Variants in B3GALT1 observed in about 807,000 individuals in gnomAD.
B3GALT1 encodes the protein beta-1,3-galactosyltransferase 1, also known as UDP-Gal:betaGlcNAc beta 1,3-galactosyltransferase, polypeptide 1.
In B3GALT1, 10 loss-of-function variants were observed where a neutral mutation model predicts 23.2. That is an observed-to-expected ratio of 0.43 (90% CI 0.27 to 0.73). The LOEUF (loss-of-function observed/expected upper bound fraction) is 0.73. Ranked by LOEUF, B3GALT1 falls within the 30% of genes least tolerant of loss-of-function variation. The probability of loss-of-function intolerance (pLI) is 0.21; values close to 1 mark genes in which losing one functional copy is unlikely to be tolerated. For synonymous variants in B3GALT1, 156 were observed against 141.5 expected (o/e 1.10, Z -0.73); for missense variants, 299 against 405.4 (o/e 0.74, Z 2.25).
intron 1 of B3GALT1, among the ~76,000 whole-genome samples, chr2:167,385,492 T>C (rs1365382272): frequency 6.6e-6 from 1 of 151,302 alleles, no homozygotes; most frequent in African/African-American, 2.5e-5. Flanking sequence ...ACATGCTCAG[T>C]AAATATTTGA....
At chr2:167,351,904 C>T (rs1280119817) in intron 1 of B3GALT1, among the ~76,000 whole-genome samples, 2 of 151,332 alleles carry the variant, frequency 1.3e-5, no homozygotes, top group Non-Finnish European at 2.9e-5. Flanking sequence ...GCAGTGACTA[C>T]AGGTGAACAA....
At chr2:167,460,788 G>C (rs1336877569) in intron 1 of B3GALT1, among the ~76,000 whole-genome samples, 1 of 151,878 alleles carries the variant, frequency 6.6e-6, no homozygotes, top group Non-Finnish European at 1.5e-5. Flanking sequence ...TTATTATTTT[G>C]TAAGTTAAAA....
intron 2 of B3GALT1, among the ~76,000 whole-genome samples, chr2:167,505,514 A>G (rs1699905415): frequency 6.6e-6 from 1 of 152,152 alleles, no homozygotes; most frequent in Non-Finnish European, 1.5e-5. Flanking sequence ...TCTAAGGAGA[A>G]AAGACTCTAA....
chr2:167,521,342 T>C (rs1162454440), intron 2 of B3GALT1, among the ~76,000 whole-genome samples: 1 of 152,162 alleles, frequency 6.6e-6, no homozygotes, highest in Non-Finnish European at 1.5e-5. Flanking sequence ...TCCCTGATCT[T>C]CTTGAAGATC....
intron 3 of B3GALT1, among the ~76,000 whole-genome samples, chr2:167,695,405 A>G (rs1686777610): frequency 6.6e-6 from 1 of 152,178 alleles, no homozygotes; most frequent in Non-Finnish European, 1.5e-5. Flanking sequence ...GGTAATGAAC[A>G]TATATTTGAT....
At position 167,576,413 on chromosome 2, in the gene B3GALT1, T is replaced by C. The variant is rs139245781; in HGVS notation, c.-409-70496T>C. ...CTGATTGCTTTAGCTGGATAATTGC[T>C]GATCTCAATTGTACACTGAAAAGGC... is the stretch of plus-strand genomic sequence containing the variant. On this transcript the variant is annotated intron_variant, in intron 2 of 4. Transcript: ENST00000392690. 3.8e-3 allele frequency among the ~76,000 whole-genome samples: 582 copies of C among 151,904 alleles called. 4 individuals are homozygous for C. The highest frequency in any genetic ancestry group is 0.013 in the African/African-American group (548 of 41,516).
intron 2 of B3GALT1, among the ~76,000 whole-genome samples, chr2:167,631,906 A>C (rs1228987058): frequency 6.6e-6 from 1 of 151,260 alleles, no homozygotes; most frequent in Non-Finnish European, 1.5e-5. Context: ...CCATCAACTC[A>C]GCTACATTAG....
At chr2:167,519,052 T>A (rs1020581317) in intron 2 of B3GALT1, among the ~76,000 whole-genome samples, 1 of 151,768 alleles carries the variant, frequency 6.6e-6, no homozygotes, top group African/African-American at 2.4e-5. Context: ...CTTCACTTCT[T>A]AGGTAAAGAA....
At chr2:167,823,647 G>A (rs139535644) in intron 4 of B3GALT1, among the ~76,000 whole-genome samples, 30 of 152,214 alleles carry the variant, frequency 2.0e-4, no homozygotes, top group African/African-American at 7.2e-4. Flanking sequence ...AGTACATATG[G>A]AACACATTCT....
intron 3 of B3GALT1, among the ~76,000 whole-genome samples, chr2:167,687,519 G>C (rs1686637516): frequency 6.6e-6 from 1 of 152,068 alleles, no homozygotes; most frequent in Non-Finnish European, 1.5e-5. Context: ...AGAGAAGAGA[G>C]GGGCAAGGAT....
chr2:167,642,589 A>G (rs1168686901), intron 2 of B3GALT1, among the ~76,000 whole-genome samples: 1 of 152,148 alleles, frequency 6.6e-6, no homozygotes, highest in Admixed American at 6.6e-5. Flanking sequence ...CTTAAAAAAC[A>G]TTTTATGCTG....
chr2:167,597,117 G>GTTTT (rs1309406987), intron 2 of B3GALT1, among the ~76,000 whole-genome samples: 1 of 131,452 alleles, frequency 7.6e-6, no homozygotes, highest in Non-Finnish European at 1.7e-5. Context: ...TTTTGTTTTT[G>GTTTT]TTTTTTTTTT....
chr2:167,669,382 G>A (rs1686279249), intron 3 of B3GALT1, among the ~76,000 whole-genome samples: 2 of 152,274 alleles, frequency 1.3e-5, no homozygotes, highest in South Asian at 4.1e-4. Flanking sequence ...TGAGGACAGA[G>A]TTTCAAGTTA....
intron 2 of B3GALT1, among the ~76,000 whole-genome samples, chr2:167,583,866 A>G (rs1684534726): frequency 6.6e-6 from 1 of 152,202 alleles, no homozygotes; most frequent in South Asian, 2.1e-4. Flanking sequence ...CAAGCTCCAC[A>G]TCTAGAGTCA....
intron 4 of B3GALT1, among the ~76,000 whole-genome samples, chr2:167,846,265 C>T (rs1689759284): frequency 6.6e-6 from 1 of 152,062 alleles, no homozygotes; most frequent in Non-Finnish European, 1.5e-5. Flanking sequence ...GGAAATTGAT[C>T]GCAGAAAGAT....
intron 3 of B3GALT1, among the ~76,000 whole-genome samples, chr2:167,685,597 A>G (rs1686605398): frequency 6.6e-6 from 1 of 152,128 alleles, no homozygotes; most frequent in Non-Finnish European, 1.5e-5. Flanking sequence ...TGACATATTT[A>G]AAGGATGGAA....
chr2:167,475,229 G>C (rs1439850369), intron 1 of B3GALT1, among the ~76,000 whole-genome samples: 11 of 151,986 alleles, frequency 7.2e-5, no homozygotes, highest in Non-Finnish European at 8.8e-5. Context: ...TCTGGTACCT[G>C]AACCCTCTCT....
chr2:167,785,005 T>G (rs1333799014), intron 3 of B3GALT1, among the ~76,000 whole-genome samples: 1 of 152,228 alleles, frequency 6.6e-6, no homozygotes, highest in Non-Finnish European at 1.5e-5. Context: ...CCATATAGTC[T>G]AGCCACTCAT....
At chr2:167,509,305 G>C (rs927456340) in intron 2 of B3GALT1, among the ~76,000 whole-genome samples, 11 of 152,156 alleles carry the variant, frequency 7.2e-5, no homozygotes, top group African/African-American at 2.7e-4. Context: ...TGACACATAT[G>C]CATTCAGCAC....
Sources: gnomAD v4.1 joint callset for allele counts (sites outside exome capture counted in the v4.1 genomes callset) on GRCh38, gnomAD v4.1.1 for gene constraint, MANE v1.5 for transcripts, NCBI Gene and HGNC (gene_info 2026-07-23, HGNC 2026-07-21) for gene names.